WNK2: variants seen among roughly 807,000 people sequenced by gnomAD.
WNK2 encodes the protein serine/threonine-protein kinase WNK2.
Under a neutral mutation model 192.1 loss-of-function variants are expected in WNK2, and 67 were observed. That is an observed-to-expected ratio of 0.35 (90% CI 0.29 to 0.43). The LOEUF (loss-of-function observed/expected upper bound fraction) is 0.43. WNK2 is among the 20% of genes least tolerant of loss of function. The pLI is 1.00. For synonymous variants in WNK2, 1,439 were observed against 1,393.9 expected (o/e 1.03, Z -0.72); for missense variants, 2,698 against 3,089.7 (o/e 0.87, Z 3.01).
At chr9:93,206,193 C>A (rs1833349806) in intron 2 of WNK2, among the ~76,000 whole-genome samples, 1 of 152,210 alleles carries the variant, frequency 6.6e-6, no homozygotes, top group South Asian at 2.1e-4. Flanking sequence ...TGTGATCTGT[C>A]TGGAGTGCGT....
chr9:93,292,726 A>G lies in WNK2; in HGVS notation c.5261A>G (p.Gln1754Arg), dbSNP rs753667495. 2.0e-6 allele frequency: 3 copies of G among 1,498,146 alleles called. No individual in the cohort carries two copies. The highest frequency in any genetic ancestry group is 5.0e-5 in the East Asian group (2 of 39,638). 92.8% of individuals were successfully genotyped at this position (1,498,146 alleles called of 1,614,324 possible). ...TVGRFSVVST[Q>R]DEWTLASPHS... Reference sequence around the variant, plus strand: ...GGCCGTTTCTCGGTGGTCAGCACTCAGGACGAGTGGACCCTGGCCTCCCCC... The same window carrying G: ...GGCCGTTTCTCGGTGGTCAGCACTCGGGACGAGTGGACCCTGGCCTCCCCC... The change falls in exon 23 of 30, where the codon CAG (glutamine) becomes CGG (arginine). Residue 1754 changes from glutamine (Q) to arginine (R), a missense_variant. Physicochemically the swap from Gln to Arg is conservative, Grantham distance 43. Coordinates refer to ENST00000427277, the MANE Select transcript of WNK2 (RefSeq NM_006648.4).
intron 21 of WNK2, 25 bp downstream of exon 21, chr9:93,290,072 C>T (rs1245059759): frequency 1.6e-5 from 25 of 1,552,164 alleles, no homozygotes; most frequent in Admixed American, 1.9e-5. Flanking sequence ...CTGAACCCTG[C>T]GTTCACAAGG....
intron 14 of WNK2, among the ~76,000 whole-genome samples, chr9:93,263,079 C>G (rs964350730): frequency 6.6e-6 from 1 of 152,206 alleles, no homozygotes; most frequent in African/African-American, 2.4e-5. Context: ...AGCCCCGATC[C>G]TGGGTTTCCT....
At position 93,320,534 on chromosome 9, in the gene WNK2, T is replaced by C. The variant is rs1588689474; in HGVS notation, c.*142T>C. The C allele has an allele frequency of 2.2e-6, 2 of 901,324 alleles. No homozygotes were observed. Among genetic ancestry groups the C allele is most frequent in the Admixed American group, 2.7e-5 (1 of 36,468 alleles). 55.8% of individuals were successfully genotyped at this position (901,324 alleles called of 1,614,324 possible). ...TTTTATTCACAATTGGAAACACAAA[T>C]GTAATGCAAGAATAAAAAATATTTT... is the stretch of plus-strand genomic sequence containing the variant. On this transcript the variant is annotated 3_prime_UTR_variant, in exon 30 of 30. Coordinates refer to ENST00000427277, the MANE Select transcript of WNK2 (RefSeq NM_006648.4).
chr9:93,288,391 C>A (rs1418172593), intron 19 of WNK2, among the ~76,000 whole-genome samples: 1 of 152,202 alleles, frequency 6.6e-6, no homozygotes, highest in Non-Finnish European at 1.5e-5. Flanking sequence ...TTGTCCAGTG[C>A]AAGATAGACA....
chr9:93,221,145 G>C (rs1466369670), intron 2 of WNK2, among the ~76,000 whole-genome samples: 1 of 152,232 alleles, frequency 6.6e-6, no homozygotes. Flanking sequence ...TCCCAAAACT[G>C]ACCTGCCGTG....
chr9:93,215,960 CT>C (rs1417956868), intron 2 of WNK2, among the ~76,000 whole-genome samples: 1 of 152,120 alleles, frequency 6.6e-6, no homozygotes, highest in African/African-American at 2.4e-5. Context: ...TAGAGATTTA[CT>C]TTTTACCGCC....
chr9:93,214,707 C>T (rs539822598), intron 2 of WNK2, among the ~76,000 whole-genome samples: 6 of 121,882 alleles, frequency 4.9e-5, no homozygotes, highest in African/African-American at 1.8e-4. Flanking sequence ...GCCCCCCCCC[C>T]CCCCGCCCTC....
Position 93,231,995 on chromosome 9 carries a change from A to G in WNK2, c.1075+887A>G, listed in dbSNP as rs552063980. ...GGGCCAGGATGATGGGAAAGCTGCA[A>G]CATGTGCAGGGCAAGCAGCGTGGGT... is the stretch of plus-strand genomic sequence containing the variant. On this transcript the variant is annotated intron_variant, in intron 4 of 29. Transcript: ENST00000427277. Among the ~76,000 whole-genome samples, 10 of 152,312 alleles carry G rather than the reference A, an allele frequency of 6.6e-5. No homozygotes were observed. In the East Asian group the frequency reaches 1.7e-3, roughly 26 times the overall value.
At chr9:93,198,988 T>C (rs565549066) in intron 2 of WNK2, among the ~76,000 whole-genome samples, 1 of 152,282 alleles carries the variant, frequency 6.6e-6, no homozygotes, top group African/African-American at 2.4e-5. Context: ...CTGGCTCGGT[T>C]CGGGGTGGGT....
intron 2 of WNK2, among the ~76,000 whole-genome samples, chr9:93,193,868 A>C (rs958013346): frequency 5.3e-5 from 8 of 152,238 alleles, no homozygotes; most frequent in African/African-American, 1.9e-4. Context: ...AGAATGAAAG[A>C]AAAGTGGTCA....
chr9:93,232,685 A>C (rs982734061), intron 4 of WNK2, among the ~76,000 whole-genome samples: 1 of 152,164 alleles, frequency 6.6e-6, no homozygotes, highest in Non-Finnish European at 1.5e-5. Context: ...TTGGAAACGA[A>C]GTTTCGAGTT....
chr9:93,242,002 A>G (rs1840856393), intron 7 of WNK2, among the ~76,000 whole-genome samples: 1 of 152,120 alleles, frequency 6.6e-6, no homozygotes, highest in African/African-American at 2.4e-5. Flanking sequence ...TAACCTCACC[A>G]CAGCTGTAGG....
Position 93,308,372 on chromosome 9 carries a change from C to T in WNK2, c.6304C>T (p.Gln2102Ter). Reference sequence around the variant, plus strand: ...GGCCCCAGGCCCTGAGCCAGGCCCCCAGCCCGCCCTGCACGTCCAGGCGCA... The same window carrying T: ...GGCCCCAGGCCCTGAGCCAGGCCCCTAGCCCGCCCTGCACGTCCAGGCGCA... ...SLAPGPEPGP[Q>*]PALHVQAQVN... The change falls in exon 28 of 30, where the codon CAG (glutamine) becomes TAG (stop). Residue 2102 changes from glutamine to a stop codon, truncating the protein, a stop_gained. Coordinates refer to ENST00000427277, the MANE Select transcript of WNK2 (RefSeq NM_006648.4). LOFTEE classifies it high-confidence loss of function. The T allele has an allele frequency of 1.9e-6, 3 of 1,560,098 alleles. No homozygotes were observed. Among genetic ancestry groups the T allele is most frequent in the Non-Finnish European group, 2.6e-6 (3 of 1,152,402 alleles).
chr9:93,292,612 G>T lies in WNK2; in HGVS notation c.5147G>T (p.Ser1716Ile), dbSNP rs1468921228. The T allele has an allele frequency of 1.3e-6, 2 of 1,580,592 alleles. No individual in the cohort carries two copies. The highest frequency in any genetic ancestry group is 1.7e-6 in the Non-Finnish European group (2 of 1,162,186). ...ATGGGCACAGTGGGGGGCCAGGCTAGCCACCCCCAGACACTCGGCGCTCGA... is the reference window on the plus strand; with the variant it reads ...ATGGGCACAGTGGGGGGCCAGGCTATCCACCCCCAGACACTCGGCGCTCGA... ...SDMGTVGGQA[S>I]HPQTLGARAL... The change falls in exon 23 of 30, where the codon AGC (serine) becomes ATC (isoleucine). Residue 1716 changes from serine (S) to isoleucine (I), a missense_variant. Physicochemically the swap from Ser to Ile is moderately radical, Grantham distance 142. Coordinates refer to ENST00000427277, the MANE Select transcript of WNK2 (RefSeq NM_006648.4).
chr9:93,260,802 G>A (rs901913192), intron 12 of WNK2, among the ~76,000 whole-genome samples: 3 of 152,324 alleles, frequency 2.0e-5, no homozygotes, highest in African/African-American at 4.8e-5. Flanking sequence ...AGGTTTCAGC[G>A]GCAGCTCAGA....
In WNK2 at chr9:93,308,386, C is replaced by T. The variant is rs141745805; in HGVS notation, c.6318C>T (p.His2106=). The part of the protein sequence containing the change: ...GPEPGPQPAL[H]VQAQVNNSNN... ...AGCCAGGCCCCCAGCCCGCCCTGCA[C>T]GTCCAGGCGCAGGTGAACAACAGCA... The change falls in exon 28 of 30, where the codon CAC becomes CAT. Residue 2106 remains histidine, a synonymous_variant. Coordinates refer to ENST00000427277, the MANE Select transcript of WNK2 (RefSeq NM_006648.4). 234 of 1,572,374 alleles carry T rather than the reference C, an allele frequency of 1.5e-4. No homozygotes were observed. The highest frequency in any genetic ancestry group is 9.4e-5 in the Non-Finnish European group (109 of 1,159,660).
At chr9:93,272,597 G>A (rs1214550231) in intron 19 of WNK2, among the ~76,000 whole-genome samples, 1 of 151,988 alleles carries the variant, frequency 6.6e-6, no homozygotes, top group Non-Finnish European at 1.5e-5. Flanking sequence ...AATTAACTGG[G>A]TATGGTGGCA....
At chr9:93,298,213 G>C (rs1470010922) in intron 24 of WNK2, 146 bp downstream of exon 24, 1 of 955,324 alleles carries the variant, frequency 1.0e-6, no homozygotes, top group African/African-American at 1.6e-5. Context: ...TTTCCCTGGA[G>C]CAGGGGAGTC....
Sources: gnomAD v4.1 joint callset for allele counts (sites outside exome capture counted in the v4.1 genomes callset) on GRCh38, gnomAD v4.1.1 for gene constraint, MANE v1.5 for transcripts, NCBI Gene and HGNC (gene_info 2026-07-23, HGNC 2026-07-21) for gene names.